The following NEB variants were observed in gnomAD, a reference collection of about 807,000 sequenced individuals.
NEB encodes the protein nebulin, also known as nemaline myopathy type 2.
A neutral mutation model predicts 952.2 loss-of-function variants in NEB; 512 were observed. The observed-to-expected ratio is 0.54, with a 90% confidence interval of 0.50 to 0.58. NEB has a LOEUF of 0.58. NEB is among the 20% of genes least tolerant of loss of function. NEB has a pLI of 0.00. For missense variants in NEB, 8,428 were observed against 9,231.1 expected, an observed-to-expected ratio of 0.91 and a Z score of 3.56; for synonymous variants, 2,900 against 3,149.8, an observed-to-expected ratio of 0.92 and a Z score of 2.66.
At chr2:151,660,254 A>C (rs1436597168) in intron 46 of NEB, among the ~76,000 whole-genome samples, 1 of 152,186 alleles carries the variant, frequency 6.6e-6, no homozygotes, top group African/African-American at 2.4e-5. Context: ...CCTCCGGCCT[A>C]GTCCTTCTTC....
In NEB at chr2:151,643,147, T is replaced by C; in HGVS notation, c.8160+3A>G. ...AACCTCCTCAAACAAACATAGGACTTACATGATTCATGGTAATAGCATTGT... is the reference window on the plus strand; with the variant it reads ...AACCTCCTCAAACAAACATAGGACTCACATGATTCATGGTAATAGCATTGT... On this transcript the variant is annotated splice_donor_region_variant and intron_variant, in intron 58 of 181. Transcript: ENST00000397345. The C allele has an allele frequency of 6.2e-7, 1 of 1,609,176 alleles. No individual in the cohort carries two copies. Among genetic ancestry groups the C allele is most frequent in the Non-Finnish European group, 8.5e-7 (1 of 1,176,176 alleles).
At chr2:151,716,520 G>C (rs889613347) in intron 10 of NEB, among the ~76,000 whole-genome samples, 1 of 152,162 alleles carries the variant, frequency 6.6e-6, no homozygotes, top group South Asian at 2.1e-4. Context: ...ATTTCAGATT[G>C]ATAGTATTCC....
Position 151,690,806 on chromosome 2 carries a change from G to A in NEB, c.2231C>T (p.Pro744Leu). Residue 744 changes from proline (P) to leucine (L), a missense_variant, in exon 24 of 182, where the codon CCA (proline) becomes CTA (leucine). This residue lies in a region of NEB where 2,851 missense variants were observed against 2,791.5 expected (regional missense o/e 1.02). Coordinates refer to ENST00000397345, the MANE Select transcript of NEB (RefSeq NM_001164508.2). ...GACTGCCGTGAATTTGGTCTTATCT[G>A]GATGAACTTTGTAGGTATGCTAGAA... is the stretch of plus-strand genomic sequence containing the variant. The part of the protein sequence containing the change: ...QCKDHTYKVH[P>L]DKTKFTAVTD... The A allele has an allele frequency of 6.3e-7, 1 of 1,590,282 alleles. No individual in the cohort carries two copies. The highest frequency in any genetic ancestry group is 8.6e-7 in the Non-Finnish European group (1 of 1,167,170).
At chr2:151,625,673 A>C in intron 70 of NEB, 35 bp from the exon 71 acceptor site, 1 of 1,455,524 alleles carries the variant, frequency 6.9e-7, no homozygotes, top group Non-Finnish European at 9.3e-7. Context: ...AATTAGAAAA[A>C]CAGTTTGTTG....
intron 156 of NEB, among the ~76,000 whole-genome samples, chr2:151,518,017 CTGGGGCACAAACCCA>C (rs1315305468): frequency 6.6e-6 from 1 of 152,132 alleles, no homozygotes; most frequent in Non-Finnish European, 1.5e-5. Context: ...GTTCCCTAAC[CTGGGGCACAAACCCA>C]TGGGGCACAT....
chr2:151,490,592 A>G, intron 179 of NEB, 74 bp from the exon 180 acceptor site: 1 of 1,512,690 alleles, frequency 6.6e-7, no homozygotes, highest in Non-Finnish European at 9.0e-7. Context: ...CAGTGATTGA[A>G]TCTCAGTTAT....
intron 181 of NEB, among the ~76,000 whole-genome samples, chr2:151,487,328 C>G (rs913120595): frequency 1.3e-5 from 2 of 152,190 alleles, no homozygotes; most frequent in African/African-American, 4.8e-5. Context: ...CTAGGAGCAG[C>G]CACTGGTTAG....
Position 151,542,306 on chromosome 2 carries a change from G to A in NEB, c.20578-755C>T, listed in dbSNP as rs979350509. On this transcript the variant is annotated intron_variant, in intron 135 of 181. Transcript: ENST00000397345. ...CCCCTTTCACCCAGTACATTCTCCCGGGGTGATCTCATCTGTACCTGTGAT... is the reference window on the plus strand; with the variant it reads ...CCCCTTTCACCCAGTACATTCTCCCAGGGTGATCTCATCTGTACCTGTGAT... Among the ~76,000 whole-genome samples the A allele has an allele frequency of 7.9e-5, 12 of 152,142 alleles. No homozygotes were observed. The East Asian group carries it at 1.7e-3, about 22-fold the overall frequency.
intron 165 of NEB, 141 bp downstream of exon 165, chr2:151,505,336 AC>A: frequency 1.4e-6 from 1 of 710,066 alleles, no homozygotes; most frequent in Non-Finnish European, 2.4e-6. Flanking sequence ...ACCTGTAGTG[AC>A]CCCATCAAGA....
At chr2:151,498,079 T>G (rs962894667) in intron 170 of NEB, 181 bp downstream of exon 170, 2 of 1,466,200 alleles carry the variant, frequency 1.4e-6, no homozygotes. Context: ...TTTGTAAATA[T>G]CAGATGAAGT....
At position 151,567,276 on chromosome 2, in the gene NEB, C is replaced by G. The variant is rs1014679160; in HGVS notation, c.18048G>C (p.Gln6016His). The G allele has an allele frequency of 5.6e-6, 9 of 1,613,798 alleles. No individual in the cohort carries two copies. In the South Asian group the frequency reaches 9.9e-5, roughly 18 times the overall value. ...GATAATCAATATCACTGACAAGGGT[C>G]TGCCCCTGCTTGGCGGCCAAGACTG... Reference protein sequence around the residue: ...MVSVLAAKQGQTLVSDIDYRN... With the variant: ...MVSVLAAKQGHTLVSDIDYRN... The change falls in exon 114 of 182, where the codon CAG becomes CAC. Residue 6016 changes from glutamine to histidine, a missense_variant. Physicochemically the swap from Gln to His is conservative, Grantham distance 24 (BLOSUM62 0). This residue lies in a region of NEB where 3,374 missense variants were observed against 3,651.5 expected (regional missense o/e 0.92). Coordinates refer to ENST00000397345, the MANE Select transcript of NEB (RefSeq NM_001164508.2).
intron 144 of NEB, 136 bp downstream of exon 144, chr2:151,531,655 AC>A: frequency 1.4e-6 from 1 of 701,650 alleles, no homozygotes; most frequent in Non-Finnish European, 2.6e-6. Context: ...CCTGTGCATA[AC>A]AGGACATCTC....
At chr2:151,677,398 A>C (rs1042491083) in intron 34 of NEB, among the ~76,000 whole-genome samples, 167 bp downstream of exon 34, 1 of 152,222 alleles carries the variant, frequency 6.6e-6, no homozygotes, top group African/African-American at 2.4e-5. Flanking sequence ...AGAGAAGAAA[A>C]TGTTAGTGCC....
At chr2:151,507,949 T>C (rs779815150) in intron 162 of NEB, 56 bp downstream of exon 162, 18 of 1,284,144 alleles carry the variant, frequency 1.4e-5, no homozygotes, top group Non-Finnish European at 1.9e-5. Context: ...CAGAGGCATC[T>C]TCCTCAGCAC....
At chr2:151,513,002 A>G (rs753157256) in intron 160 of NEB, among the ~76,000 whole-genome samples, 165 bp from the exon 161 acceptor site, 27 of 152,234 alleles carry the variant, frequency 1.8e-4, no homozygotes, top group Admixed American at 7.2e-4. Context: ...TATACCAAAG[A>G]GTGAGATTCA....
intron 176 of NEB, chr2:151,492,830 G>T: frequency 5.2e-6 from 1 of 190,614 alleles, no homozygotes; most frequent in Non-Finnish European, 1.1e-5. Flanking sequence ...GACATTGTAG[G>T]GAATTTGAAA....
intron 140 of NEB, among the ~76,000 whole-genome samples, chr2:151,537,491 A>G (rs17198052): frequency 0.024 from 3,660 of 152,322 alleles, 71 homozygotes; most frequent in Non-Finnish European, 0.036. Context: ...CCTAGATAGT[A>G]TATCATTAGC....
At chr2:151,516,658 T>C in intron 156 of NEB, 95 bp from the exon 157 acceptor site, 1 of 813,734 alleles carries the variant, frequency 1.2e-6, no homozygotes, top group Non-Finnish European at 2.1e-6. Context: ...GTTCTGTCAA[T>C]TGGATGGCAT....
intron 157 of NEB, 66 bp from the exon 158 acceptor site, chr2:151,514,994 C>A: frequency 2.0e-6 from 2 of 1,006,480 alleles, no homozygotes; most frequent in South Asian, 1.5e-5. Flanking sequence ...CTCTCCATCT[C>A]AGGAAGAAAA....
Sources: gnomAD v4.1 joint callset for allele counts (sites outside exome capture counted in the v4.1 genomes callset) on GRCh38, gnomAD v4.1.1 for gene constraint, gnomAD v4.1.1 regional missense constraint, MANE v1.5 for transcripts, NCBI Gene and HGNC (gene_info 2026-07-23, HGNC 2026-07-21) for gene names.